Variants in GPC5 observed in about 807,000 individuals in gnomAD.
GPC5 encodes the protein glypican-5.
GPC5 carries 47 observed loss-of-function variants against 53.9 expected under a neutral mutation model. The ratio of observed to expected loss-of-function variants is 0.87; its 90% confidence interval spans 0.69 to 1.11. GPC5 has a LOEUF of 1.11. Ranked by LOEUF, GPC5 falls within the 50% of genes most tolerant of loss-of-function variation. GPC5 has a pLI of 0.00. For missense variants in GPC5, 748 were observed against 713.1 expected (o/e 1.05, Z -0.56); for synonymous variants, 286 against 263.3 (o/e 1.09, Z -0.84).
At chr13:91,599,451 C>T (rs1278214498) in intron 2 of GPC5, among the ~76,000 whole-genome samples, 3 of 151,928 alleles carry the variant, frequency 2.0e-5, no homozygotes, top group Admixed American at 6.6e-5. Flanking sequence ...CACAGAATAG[C>T]CATAAGTAAA....
chr13:91,673,839 C>T (rs2035306748), intron 2 of GPC5, among the ~76,000 whole-genome samples: 1 of 152,072 alleles, frequency 6.6e-6, no homozygotes, highest in South Asian at 2.1e-4. Context: ...TTTTCCTTCC[C>T]TCTTCCCTCC....
intron 6 of GPC5, among the ~76,000 whole-genome samples, chr13:92,122,273 C>T (rs1366335210): frequency 8.5e-6 from 1 of 118,126 alleles, no homozygotes; most frequent in Non-Finnish European, 1.8e-5. Context: ...TAAAACACAG[C>T]GCTTTTTTTT....
intron 7 of GPC5, among the ~76,000 whole-genome samples, chr13:92,429,005 G>C (rs918520516): frequency 3.3e-5 from 5 of 151,740 alleles, no homozygotes; most frequent in Admixed American, 6.6e-5. Context: ...TAGCTTTGGG[G>C]GGACAAAATA....
intron 5 of GPC5, among the ~76,000 whole-genome samples, chr13:91,846,636 A>C (rs535327353): frequency 6.6e-6 from 1 of 152,082 alleles, no homozygotes; most frequent in East Asian, 1.9e-4. Context: ...CTGAAGACAA[A>C]AAGGAAGGAG....
chr13:91,892,996 T>G (rs961442819), intron 5 of GPC5, among the ~76,000 whole-genome samples: 1 of 152,000 alleles, frequency 6.6e-6, no homozygotes, highest in African/African-American at 2.4e-5. Flanking sequence ...GTTAACCATT[T>G]TTATAGCCTG....
chr13:91,502,346 C>T (rs187496803), intron 2 of GPC5, among the ~76,000 whole-genome samples: 2 of 151,868 alleles, frequency 1.3e-5, no homozygotes, highest in South Asian at 2.1e-4. Flanking sequence ...ATGGTATTGC[C>T]TAGGTTTTCT....
intron 7 of GPC5, chr13:92,721,386 C>A (rs1449861561): frequency 2.0e-5 from 3 of 151,962 alleles, no homozygotes; most frequent in Non-Finnish European, 4.4e-5. Flanking sequence ...TAAAATAAAA[C>A]AAAATTAAAA....
chr13:92,099,744 A>G (rs1400213902), intron 6 of GPC5, among the ~76,000 whole-genome samples: 1 of 152,166 alleles, frequency 6.6e-6, no homozygotes, highest in East Asian at 1.9e-4. Context: ...CCCCTCCCCA[A>G]TAAGTCATGC....
chr13:91,939,151 A>T (rs2039900976), intron 6 of GPC5, among the ~76,000 whole-genome samples: 1 of 152,068 alleles, frequency 6.6e-6, no homozygotes, highest in African/African-American at 2.4e-5. Flanking sequence ...AAAAATTACA[A>T]ATAGAAGTTT....
intron 7 of GPC5, among the ~76,000 whole-genome samples, chr13:92,294,779 G>A (rs772070746): frequency 6.2e-5 from 9 of 144,198 alleles, no homozygotes; most frequent in Non-Finnish European, 1.1e-4. Context: ...TCCTTGAGGT[G>A]TGACCTTAGA....
chr13:92,668,368 G>T (rs1282557338), intron 7 of GPC5, among the ~76,000 whole-genome samples: 3 of 152,074 alleles, frequency 2.0e-5, no homozygotes, highest in Non-Finnish European at 4.4e-5. Flanking sequence ...ATTTTGGAGG[G>T]CAGAGAAAGT....
intron 7 of GPC5, among the ~76,000 whole-genome samples, chr13:92,569,257 T>C (rs1306225506): frequency 1.3e-5 from 2 of 151,938 alleles, no homozygotes; most frequent in African/African-American, 2.4e-5. Context: ...GCAGTTCATA[T>C]GCATTGTTTC....
At chr13:91,857,387 T>G (rs1027619726) in intron 5 of GPC5, among the ~76,000 whole-genome samples, 3 of 151,516 alleles carry the variant, frequency 2.0e-5, no homozygotes, top group Non-Finnish European at 4.4e-5. Flanking sequence ...TTATGTAATT[T>G]TTCTCAGAAA....
At chr13:91,440,471 G>A (rs144497202) in intron 1 of GPC5, among the ~76,000 whole-genome samples, 18 of 151,852 alleles carry the variant, frequency 1.2e-4, no homozygotes, top group South Asian at 2.1e-4. Context: ...TTTTTCCTGC[G>A]GAGAATCTCT....
chr13:92,013,927 G>A (rs1248465532), intron 6 of GPC5, among the ~76,000 whole-genome samples: 2 of 152,028 alleles, frequency 1.3e-5, no homozygotes, highest in African/African-American at 4.8e-5. Flanking sequence ...TCCCAAAACA[G>A]ATATTGCCAC....
At chr13:92,595,843 T>C (rs938042010) in intron 7 of GPC5, among the ~76,000 whole-genome samples, 3 of 151,962 alleles carry the variant, frequency 2.0e-5, no homozygotes, top group African/African-American at 7.2e-5. Flanking sequence ...GAGAAAGTTA[T>C]ATATTTTTAG....
At chr13:92,208,188 G>A (rs9560982) in intron 7 of GPC5, among the ~76,000 whole-genome samples, 36,773 of 152,156 alleles carry the variant, frequency 0.24, 4,833 homozygotes, top group African/African-American at 0.33. Context: ...CCTGGTTCCA[G>A]TCGCCTTCTG....
intron 5 of GPC5, among the ~76,000 whole-genome samples, chr13:91,854,295 A>T (rs1301709859): frequency 6.6e-6 from 1 of 151,862 alleles, no homozygotes; most frequent in Admixed American, 6.6e-5. Context: ...TTTATGGGGT[A>T]TAGGAGATAT....
intron 5 of GPC5, among the ~76,000 whole-genome samples, chr13:91,819,005 A>T (rs3012007): frequency 0.99 from 150,293 of 152,176 alleles, 74,222 homozygotes; most frequent in East Asian, 1. Context: ...CATGTAAACA[A>T]CATCAAGTTA....
Sources: gnomAD v4.1 joint callset for allele counts (sites outside exome capture counted in the v4.1 genomes callset) on GRCh38, gnomAD v4.1.1 for gene constraint, MANE v1.5 for transcripts, NCBI Gene and HGNC (gene_info 2026-07-23, HGNC 2026-07-21) for gene names.